Variants in DLG2 observed in about 807,000 individuals in gnomAD.
DLG2 encodes disks large homolog 2.
DLG2 carries 45 observed loss-of-function variants against 132.5 expected under a neutral mutation model. That is an observed-to-expected ratio of 0.34 (90% CI 0.27 to 0.44). The LOEUF (loss-of-function observed/expected upper bound fraction) is 0.44. DLG2 is among the 20% of genes least tolerant of loss of function. The pLI is 1.00. For synonymous variants in DLG2, 424 were observed against 419.6 expected, an observed-to-expected ratio of 1.01 and a Z score of -0.13; for missense variants, 1,045 against 1,196.9, an observed-to-expected ratio of 0.87 and a Z score of 1.87.
At position 84,746,262 on chromosome 11, in the gene DLG2, A is replaced by G. The variant is rs569426843; in HGVS notation, c.358-211531T>C. Among the ~76,000 whole-genome samples, 12 of 151,994 alleles carry G rather than the reference A, an allele frequency of 7.9e-5. No homozygotes were observed. In the East Asian group the frequency reaches 2.1e-3, roughly 27 times the overall value. On this transcript the variant is annotated intron_variant, in intron 6 of 27. Transcript: ENST00000376104. ...ACAAGATATGAAAAGAAAAAAAAAA[A>G]AAAGAAAAGAAAAGATCAGCCATTC... is the stretch of plus-strand genomic sequence containing the variant.
chr11:83,861,004 G>A (rs554415402), intron 16 of DLG2, among the ~76,000 whole-genome samples: 17 of 152,218 alleles, frequency 1.1e-4, no homozygotes, highest in Middle Eastern at 3.4e-3. Context: ...CTTCCCACCC[G>A]TTAAACCTCT....
intron 6 of DLG2, among the ~76,000 whole-genome samples, chr11:84,609,042 G>A (rs567276305): frequency 3.3e-5 from 5 of 152,224 alleles, no homozygotes; most frequent in African/African-American, 4.8e-5. Context: ...TGATCCCTAC[G>A]CTGCCTCTTA....
intron 3 of DLG2, among the ~76,000 whole-genome samples, chr11:85,441,571 T>A (rs1469189792): frequency 6.6e-6 from 1 of 152,242 alleles, no homozygotes; most frequent in African/African-American, 2.4e-5. Context: ...AAATATTTAT[T>A]ATTATTATAT....
At chr11:85,450,422 G>A (rs2092196359) in intron 3 of DLG2, among the ~76,000 whole-genome samples, 1 of 152,152 alleles carries the variant, frequency 6.6e-6, no homozygotes, top group East Asian at 1.9e-4. Context: ...CATTAAAACA[G>A]GATTACCATA....
At chr11:84,602,883 AAG>A (rs2099579101) in intron 6 of DLG2, among the ~76,000 whole-genome samples, 1 of 152,060 alleles carries the variant, frequency 6.6e-6, no homozygotes. Flanking sequence ...AAATGAAAAA[AAG>A]AAAAAGTGTA....
intron 3 of DLG2, among the ~76,000 whole-genome samples, chr11:85,490,042 G>T (rs2093521064): frequency 6.6e-6 from 1 of 151,998 alleles, no homozygotes; most frequent in Non-Finnish European, 1.5e-5. Flanking sequence ...TTAAAAATTA[G>T]CCAGGTGCAG....
chr11:85,307,326 A>T (rs918554106), intron 3 of DLG2, among the ~76,000 whole-genome samples: 3 of 152,224 alleles, frequency 2.0e-5, no homozygotes, highest in African/African-American at 7.2e-5. Context: ...AAAGATTGTT[A>T]GAGATATATA....
chr11:83,680,473 G>C (rs897493876), intron 18 of DLG2, among the ~76,000 whole-genome samples: 1 of 152,108 alleles, frequency 6.6e-6, no homozygotes, highest in Non-Finnish European at 1.5e-5. Flanking sequence ...TTGTATCTGT[G>C]ATGATTTGCT....
At chr11:84,599,536 G>A (rs1208872135) in intron 6 of DLG2, among the ~76,000 whole-genome samples, 1 of 152,094 alleles carries the variant, frequency 6.6e-6, no homozygotes, top group African/African-American at 2.4e-5. Flanking sequence ...AATGCTTTGT[G>A]TCTAAATTTG....
rs2093463405 is a variant in DLG2, at chr11:84,113,378, T to C, written c.625-14331A>G. Reference sequence around the variant, plus strand: ...AAACTAACCACATATTTACTGAACATCAGTTTTACTTAAAAGAATGACTGA... The same window carrying C: ...AAACTAACCACATATTTACTGAACACCAGTTTTACTTAAAAGAATGACTGA... On this transcript the variant is annotated intron_variant, in intron 9 of 27. Transcript: ENST00000376104. Among the ~76,000 whole-genome samples the C allele has an allele frequency of 2.0e-5, 3 of 152,194 alleles. No individual in the cohort carries two copies. In the South Asian group the frequency reaches 6.2e-4, roughly 32 times the overall value.
intron 5 of DLG2, among the ~76,000 whole-genome samples, chr11:85,144,349 CTT>C (rs35874789): frequency 0.17 from 23,027 of 138,004 alleles, 2,114 homozygotes; most frequent in East Asian, 0.29. Flanking sequence ...ATAATTGGGT[CTT>C]TTTTTTTTTT....
intron 7 of DLG2, among the ~76,000 whole-genome samples, chr11:84,385,273 C>T (rs1159670595): frequency 6.6e-6 from 1 of 152,130 alleles, no homozygotes; most frequent in Non-Finnish European, 1.5e-5. Flanking sequence ...ATACTCTTGT[C>T]TTTATTTCCA....
At chr11:84,819,084 C>CACACACACACAT (rs2077392649) in intron 6 of DLG2, among the ~76,000 whole-genome samples, 4 of 146,620 alleles carry the variant, frequency 2.7e-5, no homozygotes, top group African/African-American at 7.5e-5. Flanking sequence ...AATACACACA[C>CACACACACACAT]ACACACACAC....
At chr11:85,351,873 T>G (rs1216282286) in intron 3 of DLG2, among the ~76,000 whole-genome samples, 1 of 152,204 alleles carries the variant, frequency 6.6e-6, no homozygotes, top group Non-Finnish European at 1.5e-5. Flanking sequence ...AAATTCTCTT[T>G]TTTTGTTGCG....
At chr11:85,415,404 T>C (rs1031703060) in intron 3 of DLG2, among the ~76,000 whole-genome samples, 25 of 152,198 alleles carry the variant, frequency 1.6e-4, no homozygotes, top group African/African-American at 5.5e-4. Flanking sequence ...CAAATGGTAT[T>C]TTTAGTTCTA....
At chr11:84,612,782 C>A (rs1027096202) in intron 6 of DLG2, among the ~76,000 whole-genome samples, 2 of 152,046 alleles carry the variant, frequency 1.3e-5, no homozygotes, top group Non-Finnish European at 2.9e-5. Flanking sequence ...TTTACAGCTT[C>A]ATAAGATAAT....
At chr11:83,929,690 C>G (rs991090284) in intron 15 of DLG2, among the ~76,000 whole-genome samples, 5 of 152,082 alleles carry the variant, frequency 3.3e-5, no homozygotes, top group African/African-American at 1.2e-4. Flanking sequence ...CTCTGAACTT[C>G]TATTTCTTAA....
intron 15 of DLG2, among the ~76,000 whole-genome samples, chr11:83,924,038 T>A (rs1197010329): frequency 6.6e-6 from 1 of 152,082 alleles, no homozygotes; most frequent in African/African-American, 2.4e-5. Flanking sequence ...AGGCATTGTG[T>A]GCCTTTATAT....
At chr11:85,341,078 G>C (rs1405729580) in intron 3 of DLG2, among the ~76,000 whole-genome samples, 1 of 151,418 alleles carries the variant, frequency 6.6e-6, no homozygotes, top group African/African-American at 2.4e-5. Context: ...TGAGGTAGAA[G>C]GTATGAAAAT....
Sources: allele counts gnomAD v4.1 joint callset (sites outside exome capture counted in the v4.1 genomes callset), GRCh38; gene constraint gnomAD v4.1.1; transcripts MANE v1.5; gene names NCBI Gene and HGNC (gene_info 2026-07-23, HGNC 2026-07-21).